HECTD4: variants seen among roughly 807,000 people sequenced by gnomAD.
HECTD4 encodes HECT domain E3 ubiquitin protein ligase 4.
Under a neutral mutation model 471.5 loss-of-function variants are expected in HECTD4, and 114 were observed. The ratio of observed to expected loss-of-function variants is 0.24; its 90% CI spans 0.21 to 0.28. The LOEUF is 0.28. Ranked by LOEUF, HECTD4 falls within the 10% of genes least tolerant of loss-of-function variation. HECTD4 has a pLI of 1.00. For missense variants in HECTD4, 3,866 were observed against 5,651.5 expected, an observed-to-expected ratio of 0.68 and a Z score of 10.13; for synonymous variants, 2,012 against 2,256.0, an observed-to-expected ratio of 0.89 and a Z score of 3.07.
chr12:112,291,074 CTTCTCACAAGGTG>C (rs1266836962), intron 7 of HECTD4, among the ~76,000 whole-genome samples: 1 of 152,120 alleles, frequency 6.6e-6, no homozygotes, highest in African/African-American at 2.4e-5. Context: ...TTCCTGCCCC[CTTCTCACAAGGTG>C]CATTCTTTTA....
chr12:112,277,899 A>G (rs898599038), intron 9 of HECTD4, among the ~76,000 whole-genome samples: 3 of 152,306 alleles, frequency 2.0e-5, no homozygotes. Context: ...TTGAATGATT[A>G]ATTTCCCCAA....
At chr12:112,336,649 G>A (rs1156990510) in intron 1 of HECTD4, among the ~76,000 whole-genome samples, 2 of 151,940 alleles carry the variant, frequency 1.3e-5, no homozygotes, top group African/African-American at 2.4e-5. Context: ...TTTAAAAGGA[G>A]TACTCATCTT....
At chr12:112,231,946 A>G (rs2033390604) in intron 38 of HECTD4, among the ~76,000 whole-genome samples, 1 of 152,148 alleles carries the variant, frequency 6.6e-6, no homozygotes, top group Non-Finnish European at 1.5e-5. Context: ...CATACGTATC[A>G]CAGGGCCCCG....
At chr12:112,180,170 T>C (rs987841852) in intron 62 of HECTD4, among the ~76,000 whole-genome samples, 2 of 152,122 alleles carry the variant, frequency 1.3e-5, no homozygotes, top group Admixed American at 1.3e-4. Context: ...AACTCCAGCA[T>C]ATCTGGGCTG....
intron 7 of HECTD4, among the ~76,000 whole-genome samples, chr12:112,289,141 C>T (rs1197350537): frequency 6.6e-6 from 1 of 151,972 alleles, no homozygotes; most frequent in Non-Finnish European, 1.5e-5. Context: ...GGTGTATCAC[C>T]CAAGCTGGAG....
Position 112,235,347 on chromosome 12 carries a change from G to T in HECTD4, c.5726-81C>A. On this transcript the variant is annotated intron_variant, in intron 36 of 75. Coordinates refer to ENST00000682272, the MANE Select transcript of HECTD4 (RefSeq NM_001388303.1). This position sits in a 1 kb window ranked among gnomAD's most constrained non-coding sequence, Gnocchi z 5.0. ...CTGCTAAAATGAAAAATAATGGTTTGGGATTTGGAATCTTTCTTCCCCCTT... is the reference window on the plus strand; with the variant it reads ...CTGCTAAAATGAAAAATAATGGTTTTGGATTTGGAATCTTTCTTCCCCCTT... 1 of 1,512,510 alleles carries T rather than the reference G, an allele frequency of 6.6e-7. No homozygotes were observed. The highest frequency in any genetic ancestry group is 2.0e-5 in the Admixed American group (1 of 49,138). 93.7% of individuals were successfully genotyped at this position (1,512,510 alleles called of 1,614,324 possible). A position where few individuals can be genotyped will look rare whatever the true frequency, so the allele number is the denominator to read the frequency against.
At chr12:112,368,592 T>G (rs1351059789) in intron 1 of HECTD4, among the ~76,000 whole-genome samples, 1 of 152,174 alleles carries the variant, frequency 6.6e-6, no homozygotes, top group Non-Finnish European at 1.5e-5. Flanking sequence ...TCTTTAAATC[T>G]TATTCAAAAT....
intron 54 of HECTD4, chr12:112,201,047 C>A: frequency 1.8e-6 from 1 of 559,722 alleles, no homozygotes; most frequent in Non-Finnish European, 3.3e-6. Flanking sequence ...TTGCTATGTG[C>A]TTTTCTAAGA....
At position 112,188,659 on chromosome 12, in the gene HECTD4, C is replaced by A. The variant is rs1214355335; in HGVS notation, c.9472+2127G>T. On this transcript the variant is annotated intron_variant, in intron 60 of 75. Coordinates refer to ENST00000682272, the MANE Select transcript of HECTD4 (RefSeq NM_001388303.1). This position sits in a 1 kb window ranked among gnomAD's most constrained non-coding sequence, Gnocchi z 4.2. ...ATAAAAGATTACTGGCCGGGGGAAT[C>A]CCAAGGGCCTGCTGAAGCTGACTTA... Among the ~76,000 whole-genome samples, 1 of 152,238 alleles carries A rather than the reference C, an allele frequency of 6.6e-6. No individual in the cohort carries two copies. The highest frequency in any genetic ancestry group is 2.4e-5 in the African/African-American group (1 of 41,460).
At chr12:112,266,424 T>C (rs377530098) in intron 14 of HECTD4, among the ~76,000 whole-genome samples, 202 of 152,384 alleles carry the variant, frequency 1.3e-3, no homozygotes, top group African/African-American at 4.7e-3. Flanking sequence ...CTTGCAGATA[T>C]ATAAAACATG....
At chr12:112,226,347 A>C in intron 44 of HECTD4, 1 of 245,350 alleles carries the variant, frequency 4.1e-6, no homozygotes, top group Non-Finnish European at 7.9e-6. Flanking sequence ...GCTCCTAAAT[A>C]TTATAGTTCT....
At chr12:112,258,410 T>C in intron 20 of HECTD4, 86 bp downstream of exon 20, 1 of 958,884 alleles carries the variant, frequency 1.0e-6, no homozygotes, top group South Asian at 2.0e-5. Flanking sequence ...TAATCCTTGC[T>C]AAAAATCATT....
At chr12:112,325,298 C>T (rs1354251933) in intron 1 of HECTD4, among the ~76,000 whole-genome samples, 3 of 152,148 alleles carry the variant, frequency 2.0e-5, no homozygotes. Context: ...ATATAACATA[C>T]ACACTTAAAT....
chr12:112,265,369 A>C lies in HECTD4; in HGVS notation c.2499-74T>G, dbSNP rs1478477091. 4.1e-6 allele frequency: 4 copies of C among 980,718 alleles called. No homozygotes were observed. The Admixed American group carries it at 1.0e-4, about 26-fold the overall frequency. The allele number at this position is 980,718 out of a possible 1,614,324, so 60.8% of individuals were successfully genotyped here. ...ATAAAAGGATAAATTTTATATAATT[A>C]GTATAAGATGACAAATAAAAGATAC... On this transcript the variant is annotated intron_variant, in intron 15 of 75. Transcript: ENST00000682272.
chr12:112,183,297 G>A, intron 61 of HECTD4, 31 bp from the exon 62 acceptor site: 2 of 1,544,856 alleles, frequency 1.3e-6, no homozygotes, highest in Non-Finnish European at 8.9e-7. Flanking sequence ...GTCAGGATTT[G>A]AGTAGCTTGA....
At chr12:112,324,806 C>T (rs958008088) in intron 1 of HECTD4, among the ~76,000 whole-genome samples, 2 of 152,084 alleles carry the variant, frequency 1.3e-5, no homozygotes, top group African/African-American at 4.8e-5. Flanking sequence ...CAGTCATAAA[C>T]ATCTAAACAA....
At chr12:112,216,700 C>T in intron 47 of HECTD4, 73 bp downstream of exon 47, 1 of 1,520,016 alleles carries the variant, frequency 6.6e-7, no homozygotes, top group Non-Finnish European at 8.9e-7. Context: ...TCTATTTTGA[C>T]TTCCTGAACA....
Position 112,169,646 on chromosome 12 carries a change from G to A in HECTD4, c.12065C>T (p.Ala4022Val). The A allele has an allele frequency of 6.2e-7, 1 of 1,613,200 alleles. No homozygotes were observed. Among genetic ancestry groups the A allele is most frequent in the South Asian group, 1.1e-5 (1 of 91,088 alleles). Residue 4022 changes from alanine (A) to valine (V), a missense_variant, in exon 70 of 76, where the codon GCT becomes GTT. Physicochemically the swap from Ala to Val is moderately conservative, Grantham distance 64 (BLOSUM62 0). Around this residue, in one of 16 missense-constraint regions of HECTD4, gnomAD observed 715 missense variants for 1,087.6 expected, o/e 0.66. Transcript: ENST00000682272. ...PLEIVGGEIR[A>V]SENSYFCQAA... ...CTGACAGAAGTAGGAGTTTTCAGAA[G>A]CTCTGATTTCCCCTGGAAAGTGAGA...
chr12:112,381,056 G>C lies in HECTD4; in HGVS notation c.177+896C>G, dbSNP rs1457356851. On this transcript the variant is annotated intron_variant, in intron 1 of 75. Transcript: ENST00000682272. This position sits in a 1 kb window ranked among gnomAD's most constrained non-coding sequence, Gnocchi z 4.1. The stretch of plus-strand genomic sequence containing the variant: ...CAAAATGTCATCCCACAAAGTGGAA[G>C]GGGAGCAGTGTCAGCATCCGTTGGC... Among the ~76,000 whole-genome samples, 1 of 152,134 alleles carries C rather than the reference G, an allele frequency of 6.6e-6. No individual in the cohort carries two copies. Among genetic ancestry groups the C allele is most frequent in the African/African-American group, 2.4e-5 (1 of 41,414 alleles).
Sources: allele counts gnomAD v4.1 joint callset (sites outside exome capture counted in the v4.1 genomes callset), GRCh38; gene constraint gnomAD v4.1.1; regional missense constraint gnomAD v4.1.1; non-coding constraint Gnocchi (gnomAD v3.1); transcripts MANE v1.5; gene names NCBI Gene and HGNC (gene_info 2026-07-23, HGNC 2026-07-21).